ECI1: variants seen among roughly 807,000 people sequenced by gnomAD.
ECI1 encodes enoyl-CoA delta isomerase 1, mitochondrial.
ECI1 carries 34 observed loss-of-function variants against 34.2 expected under a neutral mutation model. The ratio of observed to expected loss-of-function variants is 1.00; its 90% CI spans 0.76 to 1.33. ECI1 has a LOEUF of 1.33. ECI1 is among the 40% of genes most tolerant of loss of function. ECI1 has a pLI of 0.00. For synonymous variants in ECI1, 211 were observed against 193.0 expected (o/e 1.09, Z -0.77); for missense variants, 456 against 422.2 (o/e 1.08, Z -0.70).
intron 2 of ECI1, among the ~76,000 whole-genome samples, chr16:2,250,083 C>A (rs2093549597): frequency 6.8e-6 from 1 of 147,676 alleles, no homozygotes; most frequent in Admixed American, 6.7e-5. Context: ...CAGAAATGAT[C>A]CCTTCAGAAA....
intron 2 of ECI1, among the ~76,000 whole-genome samples, chr16:2,249,876 CAAAA>C (rs869259386): frequency 0.16 from 3,038 of 18,880 alleles, 4 homozygotes; most frequent in Middle Eastern, 0.28. Context: ...GACTCCGTCT[CAAAA>C]AAAAAAAAAA....
intron 2 of ECI1, among the ~76,000 whole-genome samples, chr16:2,250,720 G>T (rs2141513090): frequency 6.6e-6 from 1 of 152,310 alleles, no homozygotes; most frequent in East Asian, 1.9e-4. Context: ...GTGCCACATG[G>T]GAGTGTTAAC....
intron 3 of ECI1, among the ~76,000 whole-genome samples, 164 bp downstream of exon 3, chr16:2,246,695 A>G (rs1179855285): frequency 6.6e-6 from 1 of 152,198 alleles, no homozygotes; most frequent in African/African-American, 2.4e-5. Context: ...TGCTCCTGGA[A>G]GCCTCCCGTG....
At chr16:2,244,642 G>A (rs969488917) in intron 3 of ECI1, 90 bp from the exon 4 acceptor site, 14 of 1,377,334 alleles carry the variant, frequency 1.0e-5, no homozygotes, top group African/African-American at 1.4e-5. Flanking sequence ...GGTGCACGAC[G>A]CACAGCAGGG....
rs2141497621 is a variant in ECI1, at chr16:2,243,094, C to G, written c.694G>C (p.Val232Leu). The G allele has an allele frequency of 6.2e-7, 1 of 1,605,312 alleles. No homozygotes were observed. The highest frequency in any genetic ancestry group is 8.5e-7 in the Non-Finnish European group (1 of 1,179,736). Residue 232 changes from valine to leucine, a missense_variant, in exon 6 of 7, where the codon GTG becomes CTG. By Grantham distance (32) the Val-to-Leu change is conservative. Transcript: ENST00000301729. ...ATCGCTGACAGCGCAGTGCTCTGCA[C>G]CTGCTCCTCCGGGACCACCTGGTCC... is the stretch of plus-strand genomic sequence containing the variant. The part of the protein sequence containing the change: ...IVDQVVPEEQ[V>L]QSTALSAIAQ...
chr16:2,244,332 G>T, intron 4 of ECI1, 74 bp downstream of exon 4: 1 of 1,523,452 alleles, frequency 6.6e-7, no homozygotes, highest in Non-Finnish European at 9.0e-7. Flanking sequence ...TCCAAGGGCA[G>T]GACAGTGTCT....
intron 2 of ECI1, among the ~76,000 whole-genome samples, chr16:2,248,396 G>A (rs2141508305): frequency 6.7e-6 from 1 of 150,136 alleles, no homozygotes; most frequent in East Asian, 2.0e-4. Flanking sequence ...ACCATGCCCG[G>A]CCAAATTAAC....
At chr16:2,244,695 G>T (rs764286026) in intron 3 of ECI1, 143 bp from the exon 4 acceptor site, 10 of 847,432 alleles carry the variant, frequency 1.2e-5, no homozygotes, top group Non-Finnish European at 1.8e-5. Context: ...ACAGAGCCAG[G>T]ACTAGGCGCT....
At chr16:2,249,147 A>G (rs2093546985) in intron 2 of ECI1, among the ~76,000 whole-genome samples, 1 of 151,742 alleles carries the variant, frequency 6.6e-6, no homozygotes, top group African/African-American at 2.4e-5. Context: ...CGGGGTTCAC[A>G]CCATTCTCCT....
In ECI1 at chr16:2,243,208, C is replaced by A. The variant is rs200076790; in HGVS notation, c.580G>T (p.Glu194Ter). ...IAPFWLKDTL[E>*]NTIGHRAAER... ...GCCGCCCGGTGCCCGATGGTGTTCT[C>A]CAGGGTGTCTTTCAACCTGGAAATG... Residue 194 changes from glutamate to a stop codon, truncating the protein, a stop_gained, in exon 6 of 7, where the codon GAG (glutamate) becomes TAG (stop). Transcript: ENST00000301729. LOFTEE classifies it high-confidence loss of function. The A allele has an allele frequency of 6.2e-7, 1 of 1,611,650 alleles. No individual in the cohort carries two copies. Among genetic ancestry groups the A allele is most frequent in the African/African-American group, 1.3e-5 (1 of 74,934 alleles).
At chr16:2,246,797 C>T (rs1216317474) in intron 3 of ECI1, 62 bp downstream of exon 3, 10 of 1,608,272 alleles carry the variant, frequency 6.2e-6, no homozygotes, top group African/African-American at 2.7e-5. Context: ...CAGGCCTGGG[C>T]TCACATCAGA....
intron 6 of ECI1, chr16:2,242,807 AG>A: frequency 1.8e-6 from 1 of 570,658 alleles, no homozygotes; most frequent in Non-Finnish European, 3.2e-6. Context: ...GAACGCAGGG[AG>A]GAAGTGCAGT....
intron 2 of ECI1, among the ~76,000 whole-genome samples, chr16:2,250,748 A>G (rs565268410): frequency 6.6e-6 from 1 of 152,346 alleles, no homozygotes; most frequent in Admixed American, 6.5e-5. Flanking sequence ...ATTTTATTCC[A>G]AAAGATTCCA....
In ECI1 at chr16:2,248,421, A is replaced by AT. The variant is rs919367338; in HGVS notation, c.167-1436dup. On this transcript the variant is annotated intron_variant, in intron 2 of 6. Transcript: ENST00000301729. ...GCCAAATTAACCATTTTCTATCTTT[A>AT]TTTTTTTTTTGAGACAAGAGCCTCG... Among the ~76,000 whole-genome samples the AT allele has an allele frequency of 6.8e-4, 97 of 143,524 alleles. 1 individual carries two copies. The highest frequency in any genetic ancestry group is 1.1e-3 in the Non-Finnish European group (72 of 65,300). The allele number at this position is 143,524 out of a possible 152,430, so 94.2% of individuals were successfully genotyped here.
intron 3 of ECI1, among the ~76,000 whole-genome samples, chr16:2,245,836 C>CT (rs2093539053): frequency 6.6e-6 from 1 of 152,158 alleles, no homozygotes. Context: ...AATAAAGGCA[C>CT]TGTCTCTCCC....
intron 2 of ECI1, among the ~76,000 whole-genome samples, chr16:2,247,264 T>C (rs1044757967): frequency 1.3e-5 from 2 of 151,990 alleles, no homozygotes; most frequent in African/African-American, 4.8e-5. Flanking sequence ...GCCCGGATAA[T>C]TTTTTTCTTT....
Position 2,251,535 on chromosome 16 carries a change from G to C in ECI1, c.32C>G (p.Ala11Gly). 1 of 1,560,218 alleles carries C rather than the reference G, an allele frequency of 6.4e-7. No individual in the cohort carries two copies. The highest frequency in any genetic ancestry group is 8.7e-7 in the Non-Finnish European group (1 of 1,153,482). Reference protein sequence around the residue: MALVASVRVPARVLLRAGARL... With the variant: MALVASVRVPGRVLLRAGARL... ...CGCACCCGCGCGGAGCAGAACGCGC[G>C]CCGGGACTCGCACAGAAGCCACCAG... Residue 11 changes from alanine (A) to glycine (G), a missense_variant, in exon 1 of 7, where the codon GCG (alanine) becomes GGG (glycine). Ala to Gly is a moderately conservative substitution (Grantham distance 60). Coordinates refer to ENST00000301729, the MANE Select transcript of ECI1 (RefSeq NM_001919.4).
intron 3 of ECI1, among the ~76,000 whole-genome samples, chr16:2,246,615 C>T (rs2093540914): frequency 6.6e-6 from 1 of 152,206 alleles, no homozygotes; most frequent in East Asian, 1.9e-4. Flanking sequence ...ACTGGTCCAC[C>T]TTCACCTTTG....
chr16:2,241,968 T>A (rs891521352), intron 6 of ECI1: 5 of 151,696 alleles, frequency 3.3e-5, no homozygotes, highest in Non-Finnish European at 5.9e-5. Flanking sequence ...CACGCCATCC[T>A]CCTGCCTCAG....
Sources: allele counts gnomAD v4.1 joint callset (sites outside exome capture counted in the v4.1 genomes callset), GRCh38; gene constraint gnomAD v4.1.1; transcripts MANE v1.5; gene names NCBI Gene and HGNC (gene_info 2026-07-23, HGNC 2026-07-21).